CHRM3: variants seen among roughly 807,000 people sequenced by gnomAD.
CHRM3 encodes the protein cholinergic receptor muscarinic 3, also known as muscarinic acetylcholine receptor M3.
CHRM3 carries 11 observed loss-of-function variants against 41.8 expected under a neutral mutation model. That is an observed-to-expected ratio of 0.26 (90% CI 0.17 to 0.44). The LOEUF is 0.44. Ranked by LOEUF, CHRM3 falls within the 20% of genes least tolerant of loss-of-function variation. The probability of loss-of-function intolerance (pLI) is 1.00; values close to 1 mark genes in which losing one functional copy is unlikely to be tolerated. For missense variants in CHRM3, 571 were observed against 745.4 expected, an observed-to-expected ratio of 0.77 and a Z score of 2.72; for synonymous variants, 297 against 301.4, an observed-to-expected ratio of 0.99 and a Z score of 0.15.
intron 1 of CHRM3, among the ~76,000 whole-genome samples, chr1:239,447,978 G>C (rs372438328): frequency 1.3e-5 from 2 of 152,140 alleles, no homozygotes; most frequent in South Asian, 4.2e-4. Flanking sequence ...ACCCAATCCA[G>C]CACTTTGTCC....
At chr1:239,492,572 TC>T (rs1311966116) in intron 1 of CHRM3, 136 bp from the exon 2 acceptor site, 7 of 152,218 alleles carry the variant, frequency 4.6e-5, no homozygotes, top group Non-Finnish European at 1.0e-4. Context: ...GACACTTTTA[TC>T]CCAACATTCC....
chr1:239,559,336 T>C (rs1660657632), intron 3 of CHRM3, among the ~76,000 whole-genome samples: 1 of 152,196 alleles, frequency 6.6e-6, no homozygotes, highest in Admixed American at 6.6e-5. Flanking sequence ...GTGTACTTCC[T>C]AAAAGTATGT....
chr1:239,404,396 G>GAA (rs879667868), intron 1 of CHRM3, among the ~76,000 whole-genome samples: 9 of 64,504 alleles, frequency 1.4e-4, no homozygotes, highest in Non-Finnish European at 1.5e-4. Flanking sequence ...AAGAAAGAAA[G>GAA]AAAGAAAGAA....
intron 3 of CHRM3, among the ~76,000 whole-genome samples, chr1:239,566,555 C>T (rs1414069430): frequency 6.6e-6 from 1 of 152,136 alleles, no homozygotes; most frequent in Non-Finnish European, 1.5e-5. Context: ...GATTCAAGCT[C>T]TTCTGTGTAT....
intron 5 of CHRM3, among the ~76,000 whole-genome samples, chr1:239,759,169 G>GTTTTTTTTTTTTTTTTT (rs568446013): frequency 2.0e-5 from 2 of 102,078 alleles, no homozygotes; most frequent in Non-Finnish European, 3.9e-5. Flanking sequence ...TTTTTTTTTT[G>GTTTTTTTTTTTTTTTTT]TTTTTTTTTT....
chr1:239,743,614 A>C (rs1307199273), intron 5 of CHRM3, among the ~76,000 whole-genome samples: 1 of 152,002 alleles, frequency 6.6e-6, no homozygotes, highest in Non-Finnish European at 1.5e-5. Flanking sequence ...AAGGGAGAGG[A>C]GCTTGTGCCA....
At chr1:239,562,146 C>G (rs945664673) in intron 3 of CHRM3, among the ~76,000 whole-genome samples, 1 of 152,152 alleles carries the variant, frequency 6.6e-6, no homozygotes. Flanking sequence ...TCTTTCTCGA[C>G]AGCAACCACA....
chr1:239,687,370 A>G (rs1659247296), intron 5 of CHRM3, among the ~76,000 whole-genome samples: 2 of 152,176 alleles, frequency 1.3e-5, no homozygotes, highest in Non-Finnish European at 2.9e-5. Flanking sequence ...GGGCAATATC[A>G]TGTAGTATTG....
Position 239,708,973 on chromosome 1 carries a change from T to G in CHRM3, c.-147+30685T>G, listed in dbSNP as rs145286388. Among the ~76,000 whole-genome samples the G allele has an allele frequency of 3.7e-4, 56 of 152,128 alleles. No individual in the cohort carries two copies. The East Asian group carries it at 0.011, about 29-fold the overall frequency. ...TTGACATGTTTAGGGGGTAAAAGCT[T>G]TCATTTTGTTGGCAATATAGTCTTC... On this transcript the variant is annotated intron_variant, in intron 5 of 6. Coordinates refer to ENST00000676153, the MANE Select transcript of CHRM3 (RefSeq NM_001375978.1).
intron 5 of CHRM3, among the ~76,000 whole-genome samples, chr1:239,814,924 C>T (rs1057232434): frequency 1.3e-5 from 2 of 152,064 alleles, no homozygotes. Flanking sequence ...TACAGGCACA[C>T]GCCACCATGC....
At chr1:239,544,355 A>G (rs796523581) in intron 2 of CHRM3, among the ~76,000 whole-genome samples, 3 of 152,330 alleles carry the variant, frequency 2.0e-5, no homozygotes, top group African/African-American at 4.8e-5. Context: ...TACTTAATCT[A>G]TAGGTAAAAC....
At chr1:239,411,990 G>T (rs756109608) in intron 1 of CHRM3, among the ~76,000 whole-genome samples, 10 of 151,384 alleles carry the variant, frequency 6.6e-5, no homozygotes, top group Non-Finnish European at 1.2e-4. Flanking sequence ...GCTTTTAGAA[G>T]TTATTTCCTA....
chr1:239,395,631 G>C (rs1255235676), intron 1 of CHRM3, among the ~76,000 whole-genome samples: 3 of 152,116 alleles, frequency 2.0e-5, no homozygotes, highest in Admixed American at 6.6e-5. Flanking sequence ...TGCAGACTCT[G>C]ATCCATGAGG....
intron 6 of CHRM3, among the ~76,000 whole-genome samples, chr1:239,837,395 C>T (rs1673417002): frequency 6.6e-6 from 1 of 152,166 alleles, no homozygotes; most frequent in South Asian, 2.1e-4. Context: ...TTGTTCCTGA[C>T]ATTACCGATT....
intron 1 of CHRM3, among the ~76,000 whole-genome samples, chr1:239,438,996 C>G (rs2103235651): frequency 6.6e-6 from 1 of 152,240 alleles, no homozygotes; most frequent in African/African-American, 2.4e-5. Context: ...CATAATAATT[C>G]CCCTCCTGAG....
At chr1:239,417,479 A>G (rs1266782095) in intron 1 of CHRM3, among the ~76,000 whole-genome samples, 2 of 152,164 alleles carry the variant, frequency 1.3e-5, no homozygotes, top group Non-Finnish European at 2.9e-5. Context: ...TGAACAATAA[A>G]TCATAAGTGT....
intron 2 of CHRM3, among the ~76,000 whole-genome samples, chr1:239,498,838 A>G (rs1668041819): frequency 1.3e-5 from 2 of 152,112 alleles, no homozygotes; most frequent in Admixed American, 1.3e-4. Flanking sequence ...GGCATTTGCA[A>G]GTTACTATGC....
rs983752762 is a variant in CHRM3 at position 239,696,415 on chromosome 1, C to A, written c.-147+18127C>A. On this transcript the variant is annotated intron_variant, in intron 5 of 6. Coordinates refer to ENST00000676153, the MANE Select transcript of CHRM3 (RefSeq NM_001375978.1). ...TTGGCTGAAGCGTGGACACTGGTGC[C>A]TTTCTCCTAGGGTTCATCACTCACC... 2.0e-5 allele frequency among the ~76,000 whole-genome samples: 3 copies of A among 152,068 alleles called. No individual in the cohort carries two copies. The South Asian group carries it at 6.2e-4, about 32-fold the overall frequency.
At chr1:239,461,401 A>G (rs1665350939) in intron 1 of CHRM3, among the ~76,000 whole-genome samples, 1 of 152,140 alleles carries the variant, frequency 6.6e-6, no homozygotes, top group African/African-American at 2.4e-5. Flanking sequence ...TCAGGGGGAA[A>G]TAATTTAAAG....
Sources: allele counts gnomAD v4.1 joint callset (sites outside exome capture counted in the v4.1 genomes callset), GRCh38; gene constraint gnomAD v4.1.1; transcripts MANE v1.5; gene names NCBI Gene and HGNC (gene_info 2026-07-23, HGNC 2026-07-21).